Variants in GPC5 observed in about 807,000 individuals in gnomAD.
GPC5 encodes the protein glypican 5.
A neutral mutation model predicts 53.9 loss-of-function variants in GPC5; 47 were observed. The ratio of observed to expected loss-of-function variants is 0.87; its 90% confidence interval spans 0.69 to 1.11. The LOEUF (loss-of-function observed/expected upper bound fraction) is 1.11, where lower values mean the gene tolerates loss of function less well. Among genes scored for constraint, GPC5 ranks in the 50% most tolerant of loss-of-function variants. The pLI is 0.00. For missense variants in GPC5, 748 were observed against 713.1 expected (o/e 1.05, Z -0.56); for synonymous variants, 286 against 263.3 (o/e 1.09, Z -0.84).
At chr13:91,722,707 G>A (rs768442507) in intron 3 of GPC5, among the ~76,000 whole-genome samples, 23 of 152,122 alleles carry the variant, frequency 1.5e-4, no homozygotes, top group Non-Finnish European at 2.9e-5. Context: ...TCCATGTGGA[G>A]AAGCAACTTG....
intron 7 of GPC5, among the ~76,000 whole-genome samples, chr13:92,550,685 T>C (rs1882282031): frequency 6.6e-6 from 1 of 151,912 alleles, no homozygotes; most frequent in Non-Finnish European, 1.5e-5. Flanking sequence ...TCAGTAAAGG[T>C]ACACTGAAGA....
chr13:92,004,458 T>TTATATACATATA (rs2040585875), intron 6 of GPC5, among the ~76,000 whole-genome samples: 1 of 82,528 alleles, frequency 1.2e-5, no homozygotes, highest in Admixed American at 1.5e-4. Flanking sequence ...AAAAAAAAAA[T>TTATATACATATA]TATATATATA....
chr13:92,100,822 C>A (rs1333153412), intron 6 of GPC5, among the ~76,000 whole-genome samples: 1 of 152,264 alleles, frequency 6.6e-6, no homozygotes, highest in South Asian at 2.1e-4. Flanking sequence ...TCTCCAAAAA[C>A]ATAGGCATGG....
At chr13:91,937,429 AT>A (rs2139040085) in intron 6 of GPC5, among the ~76,000 whole-genome samples, 1 of 152,150 alleles carries the variant, frequency 6.6e-6, no homozygotes, top group Admixed American at 6.6e-5. Context: ...GAGGTGGGAA[AT>A]TGGGCCAGCA....
At chr13:91,663,499 T>C (rs2035034328) in intron 2 of GPC5, among the ~76,000 whole-genome samples, 1 of 152,198 alleles carries the variant, frequency 6.6e-6, no homozygotes, top group African/African-American at 2.4e-5. Context: ...ACTCTCTCAT[T>C]CAGGCTGGAG....
At chr13:92,726,123 A>G (rs1699816510) in intron 7 of GPC5, among the ~76,000 whole-genome samples, 1 of 151,434 alleles carries the variant, frequency 6.6e-6, no homozygotes, top group African/African-American at 2.4e-5. Context: ...TCCAGAAAAG[A>G]GATGATTTGT....
At chr13:91,621,997 A>G (rs2033873343) in intron 2 of GPC5, among the ~76,000 whole-genome samples, 1 of 151,844 alleles carries the variant, frequency 6.6e-6, no homozygotes, top group Admixed American at 6.6e-5. Flanking sequence ...AAGCTGAAGA[A>G]CTTGGAGTCC....
At chr13:91,413,706 C>G (rs2138952803) in intron 1 of GPC5, among the ~76,000 whole-genome samples, 1 of 152,336 alleles carries the variant, frequency 6.6e-6, no homozygotes, top group East Asian at 1.9e-4. Context: ...AATAGTCACT[C>G]TCACTGTTCT....
intron 4 of GPC5, among the ~76,000 whole-genome samples, chr13:91,729,386 T>C (rs1594489966): frequency 6.6e-6 from 1 of 152,164 alleles, no homozygotes; most frequent in African/African-American, 2.4e-5. Context: ...GACCAGTCAG[T>C]GTATGTCCTG....
At position 92,456,769 on chromosome 13, in the gene GPC5, C is replaced by T. The variant is rs531036062; in HGVS notation, c.1561+311780C>T. 3.9e-5 allele frequency among the ~76,000 whole-genome samples: 6 copies of T among 152,228 alleles called. No homozygotes were observed. In the South Asian group the frequency reaches 1.2e-3, roughly 32 times the overall value. Reference sequence around the variant, plus strand: ...ATCCTTTTCTGTATTCTCTCCTCACCCTCACAGTCTATCTCTTACATCAGG... The same window carrying T: ...ATCCTTTTCTGTATTCTCTCCTCACTCTCACAGTCTATCTCTTACATCAGG... On this transcript the variant is annotated intron_variant, in intron 7 of 7. Transcript: ENST00000377067.
intron 7 of GPC5, among the ~76,000 whole-genome samples, chr13:92,174,823 A>C (rs2042098171): frequency 6.6e-6 from 1 of 152,222 alleles, no homozygotes; most frequent in African/African-American, 2.4e-5. Context: ...TTAAAATAAC[A>C]CACTGTGAGA....
At chr13:91,768,267 A>G (rs1201008626) in intron 5 of GPC5, among the ~76,000 whole-genome samples, 6 of 152,156 alleles carry the variant, frequency 3.9e-5, no homozygotes, top group East Asian at 1.9e-4. Flanking sequence ...AGCACATTTT[A>G]TTGTCCAACC....
intron 7 of GPC5, among the ~76,000 whole-genome samples, chr13:92,471,857 A>C (rs908566595): frequency 7.2e-5 from 11 of 152,136 alleles, no homozygotes; most frequent in African/African-American, 2.7e-4. Context: ...CAAAATGTGG[A>C]GCTGGAGGGT....
At chr13:91,810,704 G>A (rs1018621920) in intron 5 of GPC5, among the ~76,000 whole-genome samples, 1 of 151,802 alleles carries the variant, frequency 6.6e-6, no homozygotes, top group African/African-American at 2.4e-5. Context: ...AACCAATTAT[G>A]CTATGTCGTT....
chr13:92,108,023 G>C (rs929783816), intron 6 of GPC5, among the ~76,000 whole-genome samples: 3 of 152,138 alleles, frequency 2.0e-5, no homozygotes, highest in Non-Finnish European at 4.4e-5. Flanking sequence ...TTCAAAGTAA[G>C]AGAGAAGTCT....
chr13:91,751,803 T>C (rs1328219731), intron 4 of GPC5, among the ~76,000 whole-genome samples: 1 of 152,202 alleles, frequency 6.6e-6, no homozygotes, highest in African/African-American at 2.4e-5. Flanking sequence ...AAATCTTTAA[T>C]TTTTCTTTTT....
At chr13:92,224,200 A>C (rs1254906427) in intron 7 of GPC5, among the ~76,000 whole-genome samples, 1 of 152,190 alleles carries the variant, frequency 6.6e-6, no homozygotes, top group Non-Finnish European at 1.5e-5. Context: ...TGAATGTACT[A>C]GTCAGGCCAT....
At chr13:91,960,104 T>C (rs1032553138) in intron 6 of GPC5, among the ~76,000 whole-genome samples, 1 of 151,670 alleles carries the variant, frequency 6.6e-6, no homozygotes, top group South Asian at 2.1e-4. Context: ...AGAAATAAAT[T>C]TATCCAAATT....
intron 1 of GPC5, among the ~76,000 whole-genome samples, chr13:91,418,442 G>A (rs896648323): frequency 1.3e-5 from 2 of 152,174 alleles, no homozygotes; most frequent in African/African-American, 2.4e-5. Context: ...ATTGACACAA[G>A]CATGAAGTGG....
Sources: allele counts gnomAD v4.1 joint callset (sites outside exome capture counted in the v4.1 genomes callset), GRCh38; gene constraint gnomAD v4.1.1; transcripts MANE v1.5; gene names NCBI Gene and HGNC (gene_info 2026-07-23, HGNC 2026-07-21).